XYLB: variants seen among roughly 807,000 people sequenced by gnomAD.
The protein encoded by XYLB is xylulose kinase.
Under a neutral mutation model 78.7 loss-of-function variants are expected in XYLB, and 62 were observed. The observed-to-expected ratio is 0.79, with a 90% CI of 0.64 to 0.97. The LOEUF is 0.97. Among genes scored for constraint, XYLB ranks in the 50% least tolerant of loss-of-function variants. The probability of loss-of-function intolerance (pLI) is 0.00; values close to 1 mark genes in which losing one functional copy is unlikely to be tolerated. For missense variants in XYLB, 687 were observed against 676.8 expected (o/e 1.02, Z -0.17); for synonymous variants, 245 against 247.4 (o/e 0.99, Z 0.09).
downstream of XYLB, among the ~76,000 whole-genome samples, chr3:38,415,500 C>T (rs1463396675): frequency 1.3e-5 from 2 of 152,048 alleles, no homozygotes; most frequent in South Asian, 2.1e-4. Context: ...AGATAGTACC[C>T]AGCTGGGAAT....
At chr3:38,399,114 TTTTG>T (rs1367673564) in intron 17 of XYLB, among the ~76,000 whole-genome samples, 2 of 152,136 alleles carry the variant, frequency 1.3e-5, no homozygotes, top group African/African-American at 4.8e-5. Context: ...TTTTGTTTTG[TTTTG>T]TTTAAGACAA....
chr3:38,409,138 T>G (rs894613907), intron 18 of XYLB, among the ~76,000 whole-genome samples: 4 of 152,186 alleles, frequency 2.6e-5, no homozygotes, highest in Admixed American at 1.3e-4. Context: ...AAACCCTCAA[T>G]AAAATACTGG....
the XYLB span, among the ~76,000 whole-genome samples, chr3:38,439,099 C>A: frequency 1.2e-3 from 176 of 152,274 alleles, 1 homozygote; most frequent in East Asian, 0.031. Context: ...ACTGGCTTCA[C>A]CTCTCAATCT....
intron 9 of XYLB, among the ~76,000 whole-genome samples, chr3:38,371,576 A>AT (rs924119868): frequency 4.0e-5 from 6 of 151,436 alleles, no homozygotes; most frequent in South Asian, 2.1e-4. Flanking sequence ...ACCCGGCCTA[A>AT]TTTTTTTTTA....
chr3:38,368,833 C>T (rs1706394215), intron 8 of XYLB, among the ~76,000 whole-genome samples: 1 of 99,338 alleles, frequency 1.0e-5, no homozygotes, highest in African/African-American at 3.4e-5. Context: ...GGGTGAACAC[C>T]AGGAGGTGGG....
At chr3:38,418,389 A>G (rs1163296649), downstream of XYLB, among the ~76,000 whole-genome samples, 1 of 152,138 alleles carries the variant, frequency 6.6e-6, no homozygotes, top group Non-Finnish European at 1.5e-5. Context: ...AATTTTGTGA[A>G]ACTCCTAAAG....
downstream of XYLB, among the ~76,000 whole-genome samples, chr3:38,424,903 G>A (rs188204623): frequency 1.6e-4 from 25 of 152,290 alleles, no homozygotes; most frequent in East Asian, 2.3e-3. Context: ...ATTGCTGATT[G>A]CCTAGTTGCT....
intron 15 of XYLB, among the ~76,000 whole-genome samples, chr3:38,379,607 C>T (rs196377): frequency 6.6e-6 from 1 of 151,996 alleles, no homozygotes; most frequent in Admixed American, 6.5e-5. Flanking sequence ...TGTAAGACTT[C>T]GGAATGGTCT....
chr3:38,396,950 C>T (rs1036507096), intron 16 of XYLB, 122 bp from the exon 17 acceptor site: 157 of 940,184 alleles, frequency 1.7e-4, no homozygotes, highest in Non-Finnish European at 2.3e-4. Context: ...TTAAGGCAGT[C>T]GAGGTGGAAT....
intron 1 of XYLB, 117 bp downstream of exon 1, chr3:38,347,042 C>T (rs1575439395): frequency 9.2e-7 from 1 of 1,083,620 alleles, no homozygotes; most frequent in Non-Finnish European, 1.2e-6. Flanking sequence ...GCGCCTACCT[C>T]TCGGGCTTCC....
At chr3:38,425,426 A>G (rs987088570), downstream of XYLB, among the ~76,000 whole-genome samples, 2 of 152,226 alleles carry the variant, frequency 1.3e-5, no homozygotes, top group African/African-American at 4.8e-5. Flanking sequence ...AACAATTACA[A>G]AAGCAGAAGA....
chr3:38,346,810 C>G lies in XYLB; in HGVS notation c.-59C>G, dbSNP rs995186993. 4 of 1,449,454 alleles carry G rather than the reference C, an allele frequency of 2.8e-6. No individual in the cohort carries two copies. The Admixed American group carries it at 9.7e-5, about 35-fold the overall frequency. The allele number at this position is 1,449,454 out of a possible 1,614,324, so 89.8% of individuals were successfully genotyped here. A position where few individuals can be genotyped will look rare whatever the true frequency, so the allele number is the denominator to read the frequency against. ...GTCTCTGGGCGCTGGAGCGCGGCGA[C>G]TATCACGCCGCGTGGCGGACGGACG... On this transcript the variant is annotated 5_prime_UTR_variant, in exon 1 of 19. Coordinates refer to ENST00000207870, the MANE Select transcript of XYLB (RefSeq NM_005108.4).
the XYLB span, among the ~76,000 whole-genome samples, chr3:38,431,608 A>T: frequency 1.3e-5 from 2 of 152,190 alleles, no homozygotes; most frequent in African/African-American, 4.8e-5. Context: ...GTGGTGAGAG[A>T]GGGCATCCCT....
chr3:38,442,176 C>T, the XYLB span, among the ~76,000 whole-genome samples: 1 of 152,180 alleles, frequency 6.6e-6, no homozygotes, highest in Non-Finnish European at 1.5e-5. Flanking sequence ...GCTGAGGGCC[C>T]TGGTTCCTCT....
chr3:38,407,760 A>T (rs1708390242), intron 18 of XYLB, among the ~76,000 whole-genome samples: 1 of 151,936 alleles, frequency 6.6e-6, no homozygotes, highest in Non-Finnish European at 1.5e-5. Context: ...CAGACTTTAA[A>T]CCAACAAAGA....
chr3:38,353,974 C>A (rs1344519804), intron 2 of XYLB, among the ~76,000 whole-genome samples: 1 of 151,540 alleles, frequency 6.6e-6, no homozygotes, highest in Non-Finnish European at 1.5e-5. Context: ...TCACTTAGGT[C>A]CATTTTTGGG....
At chr3:38,390,654 C>CTG (rs1707611343) in intron 15 of XYLB, among the ~76,000 whole-genome samples, 1 of 152,130 alleles carries the variant, frequency 6.6e-6, no homozygotes, top group Non-Finnish European at 1.5e-5. Flanking sequence ...TCCCGAGTAG[C>CTG]TGGGACCACA....
chr3:38,443,225 C>T, the XYLB span, among the ~76,000 whole-genome samples: 1 of 152,194 alleles, frequency 6.6e-6, no homozygotes, highest in East Asian at 1.9e-4. Flanking sequence ...ATTTCCTGTC[C>T]CTCAATAGTT....
At chr3:38,422,501 G>A (rs558514690), downstream of XYLB, among the ~76,000 whole-genome samples, 107 of 152,282 alleles carry the variant, frequency 7.0e-4, no homozygotes, top group East Asian at 3.9e-3. Context: ...AGGAGCGGAC[G>A]TTTCAATCAT....
Sources: allele counts gnomAD v4.1 joint callset (sites outside exome capture counted in the v4.1 genomes callset), GRCh38; gene constraint gnomAD v4.1.1; transcripts MANE v1.5; gene names NCBI Gene and HGNC (gene_info 2026-07-23, HGNC 2026-07-21).